The following NPSR1 variants were observed in gnomAD, a reference collection of about 807,000 sequenced individuals.
The protein encoded by NPSR1 is neuropeptide S receptor.
In NPSR1, 48 loss-of-function variants were observed where a neutral mutation model predicts 46.9. The observed-to-expected ratio is 1.02, with a 90% CI of 0.81 to 1.30. The LOEUF (loss-of-function observed/expected upper bound fraction) is 1.30. Ranked by LOEUF, NPSR1 falls within the 50% of genes most tolerant of loss-of-function variation. The probability of loss-of-function intolerance (pLI) is 0.00; values close to 1 mark genes in which losing one functional copy is unlikely to be tolerated. For synonymous variants in NPSR1, 176 were observed against 168.1 expected, an observed-to-expected ratio of 1.05 and a Z score of -0.36; for missense variants, 450 against 449.5, an observed-to-expected ratio of 1.00 and a Z score of -0.01.
In NPSR1 at chr7:34,699,218, G is replaced by A. The variant is rs114329099; in HGVS notation, c.280+14534G>A. Among the ~76,000 whole-genome samples, 711 of 152,246 alleles carry A rather than the reference G, an allele frequency of 4.7e-3. 4 individuals carry two copies. The highest frequency in any genetic ancestry group is 0.016 in the African/African-American group (667 of 41,554). On this transcript the variant is annotated intron_variant, in intron 2 of 8. Transcript: ENST00000360581. Reference sequence around the variant, plus strand: ...TTATTGACCAGGTGTGGTGGCTCACGCCTATAATCCCAGCACTTTGGGAGG... The same window carrying A: ...TTATTGACCAGGTGTGGTGGCTCACACCTATAATCCCAGCACTTTGGGAGG...
intron 2 of NPSR1, chr7:34,750,229 A>T: frequency 1.7e-6 from 1 of 599,028 alleles, no homozygotes; most frequent in Non-Finnish European, 3.1e-6. Context: ...CAGGGAGGAA[A>T]GGAACAGGCA....
At chr7:34,827,953 C>A (rs191672957) in intron 5 of NPSR1, among the ~76,000 whole-genome samples, 1 of 152,288 alleles carries the variant, frequency 6.6e-6, no homozygotes, top group African/African-American at 2.4e-5. Context: ...TATTCAACAT[C>A]AAACAGGATT....
rs1163044565 is a variant in NPSR1 at position 34,848,535 on chromosome 7, C to A, written c.897C>A (p.Phe299Leu). Residue 299 changes from phenylalanine (F) to leucine (L), a missense_variant, in exon 8 of 9, where the codon TTC (phenylalanine) becomes TTA (leucine). Coordinates refer to ENST00000360581, the MANE Select transcript of NPSR1 (RefSeq NM_207172.2). ...PYFLFDILDN[F>L]NLLPDTQERF... ...TCCTGTTTGACATTTTGGACAATTT[C>A]AACCTCCTTCCAGACACCCAGGAGC... is the stretch of plus-strand genomic sequence containing the variant. 6.2e-7 allele frequency: 1 copy of A among 1,614,186 alleles called. No homozygotes were observed. The highest frequency in any genetic ancestry group is 1.7e-5 in the Admixed American group (1 of 60,024).
chr7:34,778,065 G>A (rs1787057207), intron 2 of NPSR1, among the ~76,000 whole-genome samples: 1 of 152,132 alleles, frequency 6.6e-6, no homozygotes, highest in Non-Finnish European at 1.5e-5. Context: ...GTAGTAAGGG[G>A]AATTTTGAAG....
In NPSR1 at chr7:34,750,387, A is replaced by G. The variant is rs1261789619; in HGVS notation, c.281-28075A>G. 1.1e-5 allele frequency: 8 copies of G among 743,516 alleles called. No individual in the cohort carries two copies. In the East Asian group the frequency reaches 2.0e-4, roughly 19 times the overall value. The allele number at this position is 743,516 out of a possible 1,614,324, so 46.1% of individuals were successfully genotyped here. ...AAGACAACTTTTGGTTTCTTTTCGGAAGCTCGCTGCTGGGTGTTCGGATGC... is the reference window on the plus strand; with the variant it reads ...AAGACAACTTTTGGTTTCTTTTCGGGAGCTCGCTGCTGGGTGTTCGGATGC... On this transcript the variant is annotated intron_variant, in intron 2 of 8. Coordinates refer to ENST00000360581, the MANE Select transcript of NPSR1 (RefSeq NM_207172.2).
intron 2 of NPSR1, among the ~76,000 whole-genome samples, chr7:34,724,122 C>T (rs1160310924): frequency 6.6e-6 from 1 of 152,202 alleles, no homozygotes; most frequent in African/African-American, 2.4e-5. Flanking sequence ...ACCTGAATTA[C>T]TAGCTCATTT....
chr7:34,672,846 G>T (rs1792125281), intron 1 of NPSR1, among the ~76,000 whole-genome samples: 1 of 152,198 alleles, frequency 6.6e-6, no homozygotes, highest in Admixed American at 6.5e-5. Context: ...CCTGACAGCA[G>T]ATTCTTCTAA....
In NPSR1 at chr7:34,658,363, C is replaced by T. The variant is rs1260599505; in HGVS notation, c.-50C>T. 3 of 1,604,816 alleles carry T rather than the reference C, an allele frequency of 1.9e-6. No individual in the cohort carries two copies. Among genetic ancestry groups the T allele is most frequent in the African/African-American group, 1.3e-5 (1 of 74,918 alleles). ...GCTCTCAGGAGGCAAGCTGGACTCC[C>T]TCACTCAGCTGCAGGAGCAAGGACA... On this transcript the variant is annotated 5_prime_UTR_variant, in exon 1 of 9. Coordinates refer to ENST00000360581, the MANE Select transcript of NPSR1 (RefSeq NM_207172.2).
chr7:34,658,923 T>C (rs916066235), intron 1 of NPSR1, among the ~76,000 whole-genome samples: 1 of 151,964 alleles, frequency 6.6e-6, no homozygotes, highest in African/African-American at 2.4e-5. Context: ...GAGCTATGAG[T>C]TTTTTGCTAG....
intron 5 of NPSR1, among the ~76,000 whole-genome samples, chr7:34,828,930 C>T (rs931631284): frequency 3.9e-5 from 6 of 152,130 alleles, no homozygotes; most frequent in African/African-American, 1.4e-4. Context: ...GCTCCCCTGA[C>T]CCAATGGAAG....
At chr7:34,722,477 T>A (rs1783911318) in intron 2 of NPSR1, among the ~76,000 whole-genome samples, 1 of 152,250 alleles carries the variant, frequency 6.6e-6, no homozygotes, top group Non-Finnish European at 1.5e-5. Context: ...TGCATGCTTA[T>A]TATGTTCTGT....
intron 3 of NPSR1, among the ~76,000 whole-genome samples, chr7:34,789,746 A>AAAAAG: frequency 6.7e-6 from 1 of 149,926 alleles, no homozygotes; most frequent in Non-Finnish European, 1.5e-5. Flanking sequence ...TGCGCAAAAA[A>AAAAAG]AAAAAAAAAA....
At position 34,848,592 on chromosome 7, in the gene NPSR1, G is replaced by T; in HGVS notation, c.954G>T (p.Leu318=). 6.2e-7 allele frequency: 1 copy of T among 1,614,148 alleles called. No individual in the cohort carries two copies. Among genetic ancestry groups the T allele is most frequent in the South Asian group, 1.1e-5 (1 of 91,072 alleles). The change falls in exon 8 of 9, where the codon CTG becomes CTT. Residue 318 remains leucine, a synonymous_variant. Transcript: ENST00000360581. ...ATGCCTCTGTGATCATTCAGAACCTGCCAGCATTGAATAGTGCCATCAACC... is the reference window on the plus strand; with the variant it reads ...ATGCCTCTGTGATCATTCAGAACCTTCCAGCATTGAATAGTGCCATCAACC... ...RFYASVIIQN[L]PALNSAINPL... is the part of the protein sequence containing the mutation.
chr7:34,726,791 C>A (rs371517654), intron 2 of NPSR1, among the ~76,000 whole-genome samples: 51 of 144,372 alleles, frequency 3.5e-4, no homozygotes, highest in African/African-American at 1.3e-3. Flanking sequence ...ATATGACATT[C>A]TGGAAAAAAA....
At chr7:34,809,677 A>G (rs1788889755) in intron 3 of NPSR1, among the ~76,000 whole-genome samples, 1 of 151,884 alleles carries the variant, frequency 6.6e-6, no homozygotes, top group Non-Finnish European at 1.5e-5. Flanking sequence ...TTTAGCCGGG[A>G]TGGTCTGGAT....
At chr7:34,865,958 G>A (rs1791304845) in intron 8 of NPSR1, among the ~76,000 whole-genome samples, 1 of 151,766 alleles carries the variant, frequency 6.6e-6, no homozygotes, top group African/African-American at 2.4e-5. Context: ...GCAATGCCCA[G>A]AGTCCACCTG....
At position 34,785,508 on chromosome 7, in the gene NPSR1, G is replaced by A. The variant is rs996938749; in HGVS notation, c.384+6943G>A. ...TAACTAACCTGCACATTGTGCACACGTACCCTAAAACTTAAAGTATAATAA... is the reference window on the plus strand; with the variant it reads ...TAACTAACCTGCACATTGTGCACACATACCCTAAAACTTAAAGTATAATAA... On this transcript the variant is annotated intron_variant, in intron 3 of 8. Coordinates refer to ENST00000360581, the MANE Select transcript of NPSR1 (RefSeq NM_207172.2). Among the ~76,000 whole-genome samples, 7 of 139,506 alleles carry A rather than the reference G, an allele frequency of 5.0e-5. No homozygotes were observed. The East Asian group carries it at 1.3e-3, about 27-fold the overall frequency. The allele number at this position is 139,506 out of a possible 152,430, so 91.5% of individuals were successfully genotyped here.
chr7:34,870,646 T>C (rs527468229), intron 8 of NPSR1, among the ~76,000 whole-genome samples: 1 of 151,694 alleles, frequency 6.6e-6, no homozygotes, highest in Non-Finnish European at 1.5e-5. Context: ...ACAGGGAAGA[T>C]ATGAGCCACA....
At chr7:34,752,989 C>T (rs1583949214) in intron 2 of NPSR1, among the ~76,000 whole-genome samples, 2 of 152,200 alleles carry the variant, frequency 1.3e-5, no homozygotes, top group African/African-American at 2.4e-5. Flanking sequence ...CTCCCTGAAA[C>T]ACTAGAATGT....
Sources: allele counts gnomAD v4.1 joint callset (sites outside exome capture counted in the v4.1 genomes callset), GRCh38; gene constraint gnomAD v4.1.1; transcripts MANE v1.5; gene names NCBI Gene and HGNC (gene_info 2026-07-23, HGNC 2026-07-21).